INVS: variants seen among roughly 807,000 people sequenced by gnomAD.
INVS encodes inversion of embryo turning homolog.
INVS carries 86 observed loss-of-function variants against 108.8 expected under a neutral mutation model. That is an observed-to-expected ratio of 0.79 (90% CI 0.66 to 0.95). INVS has a LOEUF of 0.95. Ranked by LOEUF, INVS falls within the 40% of genes least tolerant of loss-of-function variation. INVS has a pLI of 0.00. For synonymous variants in INVS, 455 were observed against 473.5 expected (o/e 0.96, Z 0.51); for missense variants, 1,169 against 1,297.4 (o/e 0.90, Z 1.52).
chr9:100,272,609 T>A (rs1041216854), intron 11 of INVS, among the ~76,000 whole-genome samples: 2 of 152,148 alleles, frequency 1.3e-5, no homozygotes, highest in Non-Finnish European at 2.9e-5. Context: ...CCCTATTTGT[T>A]TGCCAGGGAG....
chr9:100,270,827 C>T (rs1313691959), intron 11 of INVS, among the ~76,000 whole-genome samples: 10 of 147,510 alleles, frequency 6.8e-5, no homozygotes, highest in African/African-American at 2.3e-4. Flanking sequence ...GGGGCTGAGG[C>T]AGGAGGACTA....
At chr9:100,296,583 A>G (rs866765497) in intron 14 of INVS, among the ~76,000 whole-genome samples, 7 of 152,130 alleles carry the variant, frequency 4.6e-5, no homozygotes, top group Non-Finnish European at 1.0e-4. Flanking sequence ...TTACCAAACC[A>G]TCAGTCAGTC....
chr9:100,263,346 A>C (rs1564182036), intron 10 of INVS, among the ~76,000 whole-genome samples: 1 of 152,198 alleles, frequency 6.6e-6, no homozygotes, highest in Non-Finnish European at 1.5e-5. Flanking sequence ...ACTGGGTTAA[A>C]AATCAAGGTG....
intron 3 of INVS, among the ~76,000 whole-genome samples, chr9:100,174,333 G>T (rs1829640573): frequency 6.6e-6 from 1 of 151,954 alleles, no homozygotes; most frequent in African/African-American, 2.4e-5. Flanking sequence ...CACTAGAAGG[G>T]CTTATCAGCA....
intron 14 of INVS, among the ~76,000 whole-genome samples, chr9:100,294,073 C>T (rs944954513): frequency 6.6e-6 from 1 of 152,158 alleles, no homozygotes; most frequent in African/African-American, 2.4e-5. Context: ...GAGGCTGAGG[C>T]AGGAGGATCG....
intron 8 of INVS, among the ~76,000 whole-genome samples, chr9:100,251,052 CA>C: frequency 6.6e-6 from 1 of 152,196 alleles, no homozygotes. Flanking sequence ...TCATAACCAC[CA>C]ATCAAAAGTA....
chr9:100,257,597 G>T (rs913826776), intron 10 of INVS, among the ~76,000 whole-genome samples: 2 of 152,166 alleles, frequency 1.3e-5, no homozygotes, highest in Admixed American at 6.6e-5. Context: ...TTGTCAGGCA[G>T]GCCTGGTGCT....
chr9:100,255,742 C>A (rs1206908738), intron 10 of INVS, among the ~76,000 whole-genome samples: 2 of 152,144 alleles, frequency 1.3e-5, no homozygotes, highest in Non-Finnish European at 2.9e-5. Flanking sequence ...GTTGAACCAG[C>A]CTTGCATCCC....
At chr9:100,164,132 A>G (rs1326218264) in intron 3 of INVS, among the ~76,000 whole-genome samples, 1 of 152,174 alleles carries the variant, frequency 6.6e-6, no homozygotes, top group Non-Finnish European at 1.5e-5. Flanking sequence ...ATTGACAAAA[A>G]TTGTATATAT....
At chr9:100,164,785 T>G (rs561283324) in intron 3 of INVS, among the ~76,000 whole-genome samples, 3 of 152,256 alleles carry the variant, frequency 2.0e-5, no homozygotes, top group African/African-American at 7.2e-5. Flanking sequence ...TATTTACACA[T>G]GTTTGAATTG....
intron 3 of INVS, among the ~76,000 whole-genome samples, chr9:100,183,683 C>T (rs184066833): frequency 1.3e-3 from 194 of 150,044 alleles, no homozygotes; most frequent in African/African-American, 4.6e-3. Flanking sequence ...CCCAGCTACT[C>T]GGGAGGCTGA....
chr9:100,240,310 C>A, intron 6 of INVS, 70 bp downstream of exon 6: 1 of 1,133,378 alleles, frequency 8.8e-7, no homozygotes, highest in South Asian at 1.2e-5. Context: ...GCCTTCCCTT[C>A]CACTGTTTAC....
At position 100,272,870 on chromosome 9, in the gene INVS, A is replaced by G. The variant is rs1299540880; in HGVS notation, c.1578A>G (p.Thr526=). 6.2e-7 allele frequency: 1 copy of G among 1,613,542 alleles called. No homozygotes were observed. Among genetic ancestry groups the G allele is most frequent in the Admixed American group, 1.7e-5 (1 of 59,954 alleles). Residue 526 remains threonine (T), a synonymous_variant, in exon 12 of 17, where the codon ACA becomes ACG. Coordinates refer to ENST00000262457, the MANE Select transcript of INVS (RefSeq NM_014425.5). The part of the protein sequence containing the change: ...NQMENNEERY[T]PLDYALLGER... Reference sequence around the variant, plus strand: ...AATCTTCCTCCCACTTCAGATACACACCCCTTGATTATGCTTTGCTTGGTG... The same window carrying G: ...AATCTTCCTCCCACTTCAGATACACGCCCCTTGATTATGCTTTGCTTGGTG...
In INVS at chr9:100,162,800, C is replaced by T. The variant is rs1461358631; in HGVS notation, c.273+36251C>T. ...CGAGATCATGCCACTGCACTCCAGC[C>T]TGGGTGACAGAGCAAGACTCCATCT... On this transcript the variant is annotated intron_variant, in intron 3 of 16. Coordinates refer to ENST00000262457, the MANE Select transcript of INVS (RefSeq NM_014425.5). 3.3e-5 allele frequency among the ~76,000 whole-genome samples: 5 copies of T among 150,988 alleles called. No individual in the cohort carries two copies. The East Asian group carries it at 9.7e-4, about 29-fold the overall frequency.
chr9:100,100,572 A>ATATATATAATATATATAATATAT (rs1826796014), intron 1 of INVS, among the ~76,000 whole-genome samples: 1 of 108,138 alleles, frequency 9.2e-6, no homozygotes, highest in Non-Finnish European at 1.8e-5. Flanking sequence ...TAAAAAGTAT[A>ATATATATAATATATATAATATAT]TATATATAAT....
At chr9:100,290,406 G>GTGGCGCAATCTTGGCT in intron 13 of INVS, among the ~76,000 whole-genome samples, 1 of 152,162 alleles carries the variant, frequency 6.6e-6, no homozygotes, top group Non-Finnish European at 1.5e-5. Context: ...CTGGAGTGCA[G>GTGGCGCAATCTTGGCT]TGGCGCAATC....
At chr9:100,205,961 C>T (rs1469143825) in intron 3 of INVS, among the ~76,000 whole-genome samples, 1 of 152,096 alleles carries the variant, frequency 6.6e-6, no homozygotes, top group Non-Finnish European at 1.5e-5. Context: ...TTACAGGAAA[C>T]TAGATCTTAG....
intron 3 of INVS, among the ~76,000 whole-genome samples, chr9:100,152,350 A>T (rs914437823): frequency 6.6e-6 from 1 of 152,114 alleles, no homozygotes; most frequent in Admixed American, 6.5e-5. Flanking sequence ...TATAGTTGTC[A>T]TCTCTCCCAC....
At chr9:100,215,687 A>C (rs1158076570) in intron 3 of INVS, among the ~76,000 whole-genome samples, 1 of 152,224 alleles carries the variant, frequency 6.6e-6, no homozygotes, top group Non-Finnish European at 1.5e-5. Context: ...TCAGTGCTAT[A>C]GCTTGAATAG....
Sources: allele counts gnomAD v4.1 joint callset (sites outside exome capture counted in the v4.1 genomes callset), GRCh38; gene constraint gnomAD v4.1.1; transcripts MANE v1.5; gene names NCBI Gene and HGNC (gene_info 2026-07-23, HGNC 2026-07-21).